Variants in TBC1D8 observed in about 807,000 individuals in gnomAD.
TBC1D8 encodes BUB2-like protein 1.
A neutral mutation model predicts 118.8 loss-of-function variants in TBC1D8; 65 were observed. The ratio of observed to expected loss-of-function variants is 0.55; its 90% CI spans 0.45 to 0.67. TBC1D8 has a LOEUF of 0.67. Ranked by LOEUF, TBC1D8 falls within the 30% of genes least tolerant of loss-of-function variation. The probability of loss-of-function intolerance (pLI) is 0.00; values close to 1 mark genes in which losing one functional copy is unlikely to be tolerated. For synonymous variants in TBC1D8, 566 were observed against 595.8 expected, an observed-to-expected ratio of 0.95 and a Z score of 0.73; for missense variants, 1,376 against 1,471.2, an observed-to-expected ratio of 0.94 and a Z score of 1.06.
At chr2:101,031,245 C>G (rs1680652545) in intron 11 of TBC1D8, among the ~76,000 whole-genome samples, 1 of 152,212 alleles carries the variant, frequency 6.6e-6, no homozygotes, top group African/African-American at 2.4e-5. Flanking sequence ...AGCAAGCCAG[C>G]TAGCCACTCA....
At chr2:101,116,894 G>T (rs1374033221) in intron 1 of TBC1D8, among the ~76,000 whole-genome samples, 1 of 152,120 alleles carries the variant, frequency 6.6e-6, no homozygotes, top group Non-Finnish European at 1.5e-5. Flanking sequence ...TGCCGCCTCA[G>T]CCTCCCAAAG....
At chr2:101,062,700 T>C (rs1258653255) in intron 2 of TBC1D8, among the ~76,000 whole-genome samples, 1 of 152,154 alleles carries the variant, frequency 6.6e-6, no homozygotes, top group African/African-American at 2.4e-5. Flanking sequence ...TGAAGTTCAG[T>C]GGTATGATCT....
chr2:101,111,371 G>A (rs1378753536), intron 1 of TBC1D8, among the ~76,000 whole-genome samples: 1 of 152,196 alleles, frequency 6.6e-6, no homozygotes, highest in African/African-American at 2.4e-5. Flanking sequence ...GAAGCTCACC[G>A]TTTATAACTA....
intron 1 of TBC1D8, among the ~76,000 whole-genome samples, chr2:101,116,992 G>A (rs1448121485): frequency 1.3e-5 from 2 of 152,050 alleles, no homozygotes; most frequent in African/African-American, 4.8e-5. Flanking sequence ...GAGGTGGTAG[G>A]CCCTTAATCC....
chr2:101,050,287 G>A, intron 5 of TBC1D8, 114 bp downstream of exon 5: 6 of 1,452,200 alleles, frequency 4.1e-6, no homozygotes. Context: ...ATGCCACAAG[G>A]GAAATTTAAA....
intron 1 of TBC1D8, among the ~76,000 whole-genome samples, chr2:101,147,044 G>T (rs1679345512): frequency 6.6e-6 from 1 of 151,562 alleles, no homozygotes; most frequent in Non-Finnish European, 1.5e-5. Flanking sequence ...CAGGCACGGT[G>T]GCTCACACCT....
intron 1 of TBC1D8, among the ~76,000 whole-genome samples, chr2:101,122,330 C>T (rs1334970773): frequency 1.5e-5 from 2 of 132,924 alleles, no homozygotes; most frequent in Non-Finnish European, 3.1e-5. Flanking sequence ...CCTGGCCTCC[C>T]AAAGTGCTAG....
At position 101,059,634 on chromosome 2, in the gene TBC1D8, T is replaced by C. The variant is rs191959363; in HGVS notation, c.284-95A>G. 520 of 1,112,096 alleles carry C rather than the reference T, an allele frequency of 4.7e-4. 1 individual carries two copies. The African/African-American group carries it at 7.3e-3, about 16-fold the overall frequency. 68.9% of individuals were successfully genotyped at this position (1,112,096 alleles called of 1,614,324 possible). A position where few individuals can be genotyped will look rare whatever the true frequency, so the allele number is the denominator to read the frequency against. On this transcript the variant is annotated intron_variant, in intron 2 of 19. Coordinates refer to ENST00000409318, the MANE Select transcript of TBC1D8 (RefSeq NM_001330348.2). ...ATTTTCCAAATATTGTGTATCCCCA[T>C]GTTGATGTTAAAACATCTGGCCTTG...
chr2:101,073,485 G>A (rs961256315), intron 2 of TBC1D8, among the ~76,000 whole-genome samples: 7 of 151,856 alleles, frequency 4.6e-5, no homozygotes, highest in Non-Finnish European at 1.0e-4. Context: ...TAATACAGAT[G>A]GGGTTTCACC....
At chr2:101,105,793 A>G (rs183049260) in intron 1 of TBC1D8, among the ~76,000 whole-genome samples, 21 of 152,264 alleles carry the variant, frequency 1.4e-4, no homozygotes, top group African/African-American at 4.6e-4. Flanking sequence ...AGCCACCTAG[A>G]AGATAACTTG....
At chr2:101,011,986 C>CT (rs1219259709) in intron 17 of TBC1D8, among the ~76,000 whole-genome samples, 1 of 152,154 alleles carries the variant, frequency 6.6e-6, no homozygotes, top group Admixed American at 6.6e-5. Context: ...GCACATACTG[C>CT]TGTACTTACA....
rs151298727 is a variant in TBC1D8 at position 101,024,347 on chromosome 2, G to C, written c.2521-1826C>G. Among the ~76,000 whole-genome samples the C allele has an allele frequency of 3.9e-5, 6 of 152,042 alleles. No homozygotes were observed. In the East Asian group the frequency reaches 1.2e-3, roughly 29 times the overall value. Reference sequence around the variant, plus strand: ...AAAGATCCATGATATTAAATGCTGGGTGGGTGTGGAGTGTGGGGAAATGAG... The same window carrying C: ...AAAGATCCATGATATTAAATGCTGGCTGGGTGTGGAGTGTGGGGAAATGAG... On this transcript the variant is annotated intron_variant, in intron 15 of 19. Coordinates refer to ENST00000409318, the MANE Select transcript of TBC1D8 (RefSeq NM_001330348.2).
intron 1 of TBC1D8, among the ~76,000 whole-genome samples, chr2:101,126,020 G>C (rs1678337288): frequency 6.6e-6 from 1 of 152,108 alleles, no homozygotes; most frequent in Non-Finnish European, 1.5e-5. Flanking sequence ...TCACTTATAA[G>C]GAAAAGAGCT....
At chr2:101,103,386 CT>C (rs1283175756) in intron 1 of TBC1D8, among the ~76,000 whole-genome samples, 71 of 131,720 alleles carry the variant, frequency 5.4e-4, no homozygotes, top group South Asian at 7.5e-4. Context: ...TCAAGAACTT[CT>C]TTTTTTTTTT....
At chr2:101,145,792 C>T (rs746187273) in intron 1 of TBC1D8, among the ~76,000 whole-genome samples, 3 of 152,132 alleles carry the variant, frequency 2.0e-5, no homozygotes, top group Admixed American at 1.3e-4. Context: ...TGAGAGGAGC[C>T]GTGTGCCCAA....
intron 17 of TBC1D8, among the ~76,000 whole-genome samples, chr2:101,016,880 C>G (rs1679684914): frequency 6.6e-6 from 1 of 151,188 alleles, no homozygotes; most frequent in South Asian, 2.1e-4. Flanking sequence ...ACAATGAGAC[C>G]ACATGGACAC....
chr2:101,019,090 T>C, intron 17 of TBC1D8: 2 of 1,582,472 alleles, frequency 1.3e-6, no homozygotes, highest in Admixed American at 3.6e-5. Context: ...TCTTCATTGC[T>C]TCCTGAGCTG....
At chr2:101,124,227 A>C (rs1024166529) in intron 1 of TBC1D8, among the ~76,000 whole-genome samples, 2 of 152,212 alleles carry the variant, frequency 1.3e-5, no homozygotes, top group African/African-American at 4.8e-5. Context: ...GATGCATTAC[A>C]ATCTCCAACA....
At chr2:101,085,891 C>G (rs898394442) in intron 2 of TBC1D8, among the ~76,000 whole-genome samples, 5 of 152,324 alleles carry the variant, frequency 3.3e-5, no homozygotes, top group Non-Finnish European at 4.4e-5. Flanking sequence ...CCTGTAACCT[C>G]AGCACTTTGG....
Sources: allele counts gnomAD v4.1 joint callset (sites outside exome capture counted in the v4.1 genomes callset), GRCh38; gene constraint gnomAD v4.1.1; transcripts MANE v1.5; gene names NCBI Gene and HGNC (gene_info 2026-07-23, HGNC 2026-07-21).